The following CTNNA3 variants were observed in gnomAD, a reference collection of about 807,000 sequenced individuals.
The protein encoded by CTNNA3 is catenin alpha-3.
Under a neutral mutation model 95.7 loss-of-function variants are expected in CTNNA3, and 76 were observed. The observed-to-expected ratio is 0.79, with a 90% CI of 0.66 to 0.96. CTNNA3 has a LOEUF of 0.96. Among genes scored for constraint, CTNNA3 ranks in the 40% least tolerant of loss-of-function variants. The probability of loss-of-function intolerance (pLI) is 0.00; values close to 1 mark genes in which losing one functional copy is unlikely to be tolerated. For missense variants in CTNNA3, 1,191 were observed against 1,089.8 expected (o/e 1.09, Z -1.31); for synonymous variants, 431 against 374.4 (o/e 1.15, Z -1.74).
intron 12 of CTNNA3, among the ~76,000 whole-genome samples, chr10:66,356,122 GT>G (rs59366031): frequency 0.12 from 13,529 of 117,094 alleles, 694 homozygotes; most frequent in African/African-American, 0.23. Flanking sequence ...TGCTTGTTTT[GT>G]TTTTTTTTTT....
At chr10:66,236,309 T>C (rs2089852890) in intron 13 of CTNNA3, among the ~76,000 whole-genome samples, 1 of 152,106 alleles carries the variant, frequency 6.6e-6, no homozygotes, top group Non-Finnish European at 1.5e-5. Context: ...ATTACAAAAA[T>C]GACAAGATAC....
At chr10:67,423,057 A>C (rs1318082878) in intron 5 of CTNNA3, among the ~76,000 whole-genome samples, 1 of 152,136 alleles carries the variant, frequency 6.6e-6, no homozygotes, top group Non-Finnish European at 1.5e-5. Context: ...GCCTAGATTT[A>C]TTTGAATATA....
chr10:66,659,793 G>A (rs143141975), intron 9 of CTNNA3, among the ~76,000 whole-genome samples: 4 of 152,176 alleles, frequency 2.6e-5, no homozygotes, highest in Non-Finnish European at 5.9e-5. Flanking sequence ...AAATCTGCCC[G>A]AGCTTTGATC....
intron 3 of CTNNA3, among the ~76,000 whole-genome samples, chr10:67,559,609 C>G (rs938655845): frequency 2.0e-5 from 3 of 152,190 alleles, no homozygotes; most frequent in Non-Finnish European, 2.9e-5. Flanking sequence ...GAACACAGCT[C>G]CTCACCAGCA....
At position 66,966,884 on chromosome 10, in the gene CTNNA3, TC is replaced by T. The variant is rs1331029903; in HGVS notation, c.1048-191361del. 2.6e-5 allele frequency among the ~76,000 whole-genome samples: 4 copies of T among 152,094 alleles called. No homozygotes were observed. In the East Asian group the frequency reaches 7.7e-4, roughly 29 times the overall value. On this transcript the variant is annotated intron_variant, in intron 7 of 17. Transcript: ENST00000433211. ...TATTTAAGACATGTTTAGTAGCTTT[TC>T]CCATACTTTCCTGAATTCATTCCCT...
intron 9 of CTNNA3, among the ~76,000 whole-genome samples, chr10:66,709,662 T>C (rs1187550061): frequency 6.6e-6 from 1 of 152,166 alleles, no homozygotes; most frequent in Non-Finnish European, 1.5e-5. Context: ...TAAAAGTTGG[T>C]GTTGTTTATT....
chr10:67,347,047 T>C (rs1842446985), intron 5 of CTNNA3, among the ~76,000 whole-genome samples: 1 of 150,700 alleles, frequency 6.6e-6, no homozygotes, highest in Non-Finnish European at 1.5e-5. Flanking sequence ...GATCTACTTA[T>C]AATAAGTAAT....
At chr10:66,183,912 T>C (rs1417994413) in intron 13 of CTNNA3, among the ~76,000 whole-genome samples, 1 of 152,214 alleles carries the variant, frequency 6.6e-6, no homozygotes, top group Non-Finnish European at 1.5e-5. Flanking sequence ...TTTTACCTTA[T>C]TGAATTGAAG....
rs1172012279 is a variant in CTNNA3, at chr10:66,876,903, C to T, written c.1048-101379G>A. ...CTGGAGATTCTTATTAGGTTCTCTG[C>T]ATAAACCTTTGCTTTCCTCAAGAAC... is the stretch of plus-strand genomic sequence containing the variant. On this transcript the variant is annotated intron_variant, in intron 7 of 17. Coordinates refer to ENST00000433211, the MANE Select transcript of CTNNA3 (RefSeq NM_013266.4). 2.0e-5 allele frequency among the ~76,000 whole-genome samples: 3 copies of T among 152,126 alleles called. No individual in the cohort carries two copies. The East Asian group carries it at 5.8e-4, about 29-fold the overall frequency.
intron 16 of CTNNA3, among the ~76,000 whole-genome samples, chr10:65,973,391 T>C (rs2078146751): frequency 6.6e-6 from 1 of 152,052 alleles, no homozygotes; most frequent in African/African-American, 2.4e-5. Flanking sequence ...CAACAAACTA[T>C]CAACAGAGTA....
At chr10:67,682,200 G>A (rs1385103458) in intron 1 of CTNNA3, among the ~76,000 whole-genome samples, 18 of 151,058 alleles carry the variant, frequency 1.2e-4, no homozygotes, top group African/African-American at 2.9e-4. Flanking sequence ...GGTGGTGGGC[G>A]CCTATAGTCC....
intron 10 of CTNNA3, among the ~76,000 whole-genome samples, chr10:66,554,290 A>G (rs1235379057): frequency 1.3e-5 from 2 of 152,032 alleles, no homozygotes; most frequent in Non-Finnish European, 2.9e-5. Flanking sequence ...TTTATCTTTG[A>G]TTTAGCTTTA....
intron 10 of CTNNA3, among the ~76,000 whole-genome samples, chr10:66,620,149 A>G (rs553436080): frequency 1.3e-5 from 2 of 152,296 alleles, no homozygotes; most frequent in East Asian, 3.9e-4. Context: ...TGTTGATAGA[A>G]TGTCTTAACG....
intron 9 of CTNNA3, among the ~76,000 whole-genome samples, chr10:66,645,024 G>A (rs1172055038): frequency 6.6e-6 from 1 of 151,936 alleles, no homozygotes; most frequent in African/African-American, 2.4e-5. Context: ...GTAATCTTTT[G>A]GGATTTTTTT....
intron 13 of CTNNA3, among the ~76,000 whole-genome samples, chr10:66,245,122 G>T (rs1000130489): frequency 6.6e-6 from 1 of 152,166 alleles, no homozygotes; most frequent in African/African-American, 2.4e-5. Flanking sequence ...GAGCAATGAG[G>T]GGTGGGTGAG....
chr10:67,341,580 T>A (rs771658614), intron 5 of CTNNA3, among the ~76,000 whole-genome samples: 3 of 152,232 alleles, frequency 2.0e-5, no homozygotes, highest in Non-Finnish European at 4.4e-5. Flanking sequence ...CCACATTTTC[T>A]TTATCCATTC....
intron 12 of CTNNA3, among the ~76,000 whole-genome samples, chr10:66,351,437 G>T (rs909119756): frequency 6.6e-6 from 1 of 151,928 alleles, no homozygotes; most frequent in African/African-American, 2.4e-5. Flanking sequence ...GAGTACCATT[G>T]TTAAATAGCA....
At chr10:66,188,031 A>G (rs2086432851) in intron 13 of CTNNA3, among the ~76,000 whole-genome samples, 1 of 152,160 alleles carries the variant, frequency 6.6e-6, no homozygotes, top group South Asian at 2.1e-4. Flanking sequence ...AAATAAAGAG[A>G]CAGAAAATAT....
intron 5 of CTNNA3, among the ~76,000 whole-genome samples, chr10:67,332,042 GA>G (rs1221421635): frequency 2.0e-5 from 3 of 152,104 alleles, no homozygotes; most frequent in Admixed American, 1.3e-4. Context: ...AAAGAGTTTA[GA>G]AAGAATGAAA....
Sources: allele counts gnomAD v4.1 joint callset (sites outside exome capture counted in the v4.1 genomes callset), GRCh38; gene constraint gnomAD v4.1.1; transcripts MANE v1.5; gene names NCBI Gene and HGNC (gene_info 2026-07-23, HGNC 2026-07-21).